Variants in TMEM185A observed in about 807,000 individuals in gnomAD.
TMEM185A encodes the protein family with sequence similarity 11, member A.
A neutral mutation model predicts 25.0 loss-of-function variants in TMEM185A; 9 were observed. The observed-to-expected ratio is 0.36, with a 90% CI of 0.22 to 0.63. The LOEUF (loss-of-function observed/expected upper bound fraction) is 0.63. TMEM185A is among the 20% of genes least tolerant of loss of function. The pLI, the probability that TMEM185A is intolerant of heterozygous loss-of-function variation, is 0.68. For missense variants in TMEM185A, 103 were observed against 237.4 expected, an observed-to-expected ratio of 0.43 and a Z score of 3.72; for synonymous variants, 45 against 93.5, an observed-to-expected ratio of 0.48 and a Z score of 2.99.
rs146421600 is a variant in TMEM185A at position 149,626,310 on chromosome X, T to C, written c.38+5233A>G. ...AGTCACTTGAGTGGTAAGTAGTTCA[T>C]TGACAGTACTGACAGTACACTCGTG... On this transcript the variant is annotated intron_variant, in intron 1 of 6. Transcript: ENST00000600449. Among the ~76,000 whole-genome samples the C allele has an allele frequency of 2.4e-3, 273 of 112,616 alleles. 1 individual carries two copies. Among genetic ancestry groups the C allele is most frequent in the Non-Finnish European group, 2.6e-3 (138 of 53,293 alleles).
At chrX:149,617,795 G>A (rs2090118003) in intron 1 of TMEM185A, among the ~76,000 whole-genome samples, 1 of 111,957 alleles carries the variant, frequency 8.9e-6, no homozygotes. Context: ...ACTGGTGAAT[G>A]GTTAACTGAA....
rs1354321044 is a variant in TMEM185A, at chrX:149,631,718, TGCCGTCGCCGTCGCCGTCGCCGCCGCC to T, written c.-165_-139del. The T allele has an allele frequency of 3.4e-6, 2 of 593,311 alleles. No homozygotes were observed. Among genetic ancestry groups the T allele is most frequent in the Non-Finnish European group, 4.6e-6 (2 of 436,774 alleles). The allele number at this position is 593,311 out of a possible 1,213,427, so 48.9% of individuals were successfully genotyped here. On this transcript the variant is annotated 5_prime_UTR_variant, in exon 1 of 7. Transcript: ENST00000600449. ...CTCCCGCTACTGCTGCCGTCCCCGC[TGCCGTCGCCGTCGCCGTCGCCGCCGCC>T]GCCGCCGCCGCCGCCGCCGCCGCCG... is the stretch of plus-strand genomic sequence containing the variant.
intron 3 of TMEM185A, among the ~76,000 whole-genome samples, chrX:149,607,018 T>G (rs1208271208): frequency 9.0e-6 from 1 of 111,205 alleles, no homozygotes; most frequent in Non-Finnish European, 1.9e-5. Flanking sequence ...CCTCCACGGC[T>G]CACTCCTACC....
At chrX:149,629,333 T>C (rs1557356366) in intron 1 of TMEM185A, among the ~76,000 whole-genome samples, 1 of 111,072 alleles carries the variant, frequency 9.0e-6, no homozygotes, top group African/African-American at 3.3e-5. Context: ...AAGGTTTGAG[T>C]CCCCAGCATA....
chrX:149,631,717 CTGCCGT>C lies in TMEM185A; in HGVS notation c.-143_-138del, dbSNP rs1206188015. 188 of 621,326 alleles carry C rather than the reference CTGCCGT, an allele frequency of 3.0e-4. 1 individual carries two copies. The highest frequency in any genetic ancestry group is 1.2e-3 in the East Asian group (22 of 19,067). 51.2% of individuals were successfully genotyped at this position (621,326 alleles called of 1,213,427 possible). ...GCTCCCGCTACTGCTGCCGTCCCCG[CTGCCGT>C]CGCCGTCGCCGTCGCCGCCGCCGCC... On this transcript the variant is annotated 5_prime_UTR_variant, in exon 1 of 7. Coordinates refer to ENST00000600449, the MANE Select transcript of TMEM185A (RefSeq NM_032508.4).
chrX:149,604,560 T>C (rs1049224386), intron 3 of TMEM185A, among the ~76,000 whole-genome samples: 11 of 111,100 alleles, frequency 9.9e-5, no homozygotes, highest in African/African-American at 3.3e-4. Flanking sequence ...ACCTATTCCA[T>C]TGATCCCTCC....
intron 1 of TMEM185A, among the ~76,000 whole-genome samples, chrX:149,614,800 AAAC>A (rs2090102267): frequency 8.9e-6 from 1 of 112,022 alleles, no homozygotes; most frequent in South Asian, 3.7e-4. Flanking sequence ...GGGATATTAT[AAAC>A]AACTTTATGC....
In TMEM185A at chrX:149,611,472, A is replaced by AAAG. The variant is rs1557354490; in HGVS notation, c.39-12_39-10dup. The AAAG allele has an allele frequency of 6.8e-6, 8 of 1,183,933 alleles. No individual in the cohort carries two copies. Among genetic ancestry groups the AAAG allele is most frequent in the Non-Finnish European group, 9.1e-6 (8 of 882,966 alleles). On this transcript the variant is annotated splice_polypyrimidine_tract_variant and intron_variant, in intron 1 of 6. Coordinates refer to ENST00000600449, the MANE Select transcript of TMEM185A (RefSeq NM_032508.4). ...CATAGATGAGGAATTTACTAGGAGA[A>AAAG]AAGTAAAACGATTAAGAAGGATTCA...
intron 3 of TMEM185A, among the ~76,000 whole-genome samples, chrX:149,605,414 ACTTT>A (rs1167372921): frequency 8.4e-5 from 7 of 82,859 alleles, no homozygotes; most frequent in Non-Finnish European, 1.2e-4. Context: ...CTCCCATGTC[ACTTT>A]CTATGGCCTC....
intron 1 of TMEM185A, among the ~76,000 whole-genome samples, chrX:149,621,023 A>G (rs782186813): frequency 8.9e-6 from 1 of 112,442 alleles, no homozygotes; most frequent in South Asian, 3.7e-4. Context: ...CAATTTGTCA[A>G]CTAAAGCCTG....
chrX:149,606,411 C>T (rs1557353481), intron 3 of TMEM185A, among the ~76,000 whole-genome samples: 1 of 113,101 alleles, frequency 8.8e-6, no homozygotes, highest in East Asian at 2.8e-4. Context: ...TCCACTATCC[C>T]CTGGTGCCCT....
chrX:149,619,135 T>C (rs1557355315), intron 1 of TMEM185A, among the ~76,000 whole-genome samples: 13 of 112,110 alleles, frequency 1.2e-4, no homozygotes, highest in Non-Finnish European at 2.4e-4. Context: ...TCTCTTATAC[T>C]TTCAATGAAT....
chrX:149,612,545 T>C (rs1265476347), intron 1 of TMEM185A, among the ~76,000 whole-genome samples: 4 of 112,674 alleles, frequency 3.6e-5, no homozygotes, highest in African/African-American at 1.3e-4. Context: ...CTGGAATGAC[T>C]ATATTAATAT....
At chrX:149,618,563 G>C (rs1263418278) in intron 1 of TMEM185A, among the ~76,000 whole-genome samples, 3 of 111,383 alleles carry the variant, frequency 2.7e-5, no homozygotes, top group Non-Finnish European at 5.7e-5. Flanking sequence ...GGCTCTCAAA[G>C]TTTTTAGTAT....
chrX:149,603,874 G>A, intron 4 of TMEM185A, 113 bp downstream of exon 4: 2 of 567,459 alleles, frequency 3.5e-6, no homozygotes, highest in Non-Finnish European at 5.6e-6. Flanking sequence ...GATTATGGGT[G>A]ACTATTAGGC....
chrX:149,608,934 T>G, intron 2 of TMEM185A, 100 bp from the exon 3 acceptor site: 1 of 782,965 alleles, frequency 1.3e-6, no homozygotes, highest in Non-Finnish European at 1.8e-6. Context: ...ACTTTGAATT[T>G]TACTTGAAAA....
intron 1 of TMEM185A, among the ~76,000 whole-genome samples, chrX:149,619,168 T>A (rs1252469262): frequency 8.9e-6 from 1 of 112,100 alleles, no homozygotes; most frequent in Non-Finnish European, 1.9e-5. Context: ...CATTATTGTA[T>A]AATGCAATGT....
intron 4 of TMEM185A, among the ~76,000 whole-genome samples, chrX:149,602,733 A>G: frequency 8.9e-6 from 1 of 112,379 alleles, no homozygotes. Context: ...GGTCTTGTTT[A>G]GATATGTTTC....
rs1557351851 is a variant in TMEM185A, at chrX:149,597,224, G to GGA, written c.*786_*787insTC. ...CCATGAAGGCGTGGCACCCCACGGG[G>GGA]GGGGGGGGAGTGTGCCACGGGCGTC... On this transcript the variant is annotated 3_prime_UTR_variant, in exon 7 of 7. Coordinates refer to ENST00000600449, the MANE Select transcript of TMEM185A (RefSeq NM_032508.4). 1.2e-5 allele frequency: 1 copy of GGA among 82,158 alleles called. No individual in the cohort carries two copies. The highest frequency in any genetic ancestry group is 2.7e-5 in the Non-Finnish European group (1 of 36,616). The allele number at this position is 82,158 out of a possible 1,213,427, so 6.8% of individuals were successfully genotyped here.
Sources: allele counts gnomAD v4.1 joint callset (sites outside exome capture counted in the v4.1 genomes callset), GRCh38; gene constraint gnomAD v4.1.1; transcripts MANE v1.5; gene names NCBI Gene and HGNC (gene_info 2026-07-23, HGNC 2026-07-21).